MAGI2: variants seen among roughly 807,000 people sequenced by gnomAD.
MAGI2 encodes the protein membrane-associated guanylate kinase, WW and PDZ domain-containing protein 2.
In MAGI2, 35 loss-of-function variants were observed where a neutral mutation model predicts 133.3. The ratio of observed to expected loss-of-function variants is 0.26; its 90% CI spans 0.20 to 0.35. The LOEUF (loss-of-function observed/expected upper bound fraction) is 0.35. Among genes scored for constraint, MAGI2 ranks in the 10% least tolerant of loss-of-function variants. The pLI is 1.00. For synonymous variants in MAGI2, 729 were observed against 710.6 expected, an observed-to-expected ratio of 1.03 and a Z score of -0.41; for missense variants, 1,636 against 1,863.4, an observed-to-expected ratio of 0.88 and a Z score of 2.25.
chr7:78,475,062 A>T (rs568745021), intron 6 of MAGI2, among the ~76,000 whole-genome samples: 2 of 152,066 alleles, frequency 1.3e-5, no homozygotes, highest in South Asian at 4.1e-4. Context: ...TTGGGATTCA[A>T]ATACATATTC....
At chr7:78,573,305 TATATATAA>T (rs1286019274) in intron 3 of MAGI2, among the ~76,000 whole-genome samples, 8,147 of 64,544 alleles carry the variant, frequency 0.13, 977 homozygotes, top group Non-Finnish European at 0.17. Flanking sequence ...TATATATTTA[TATATATAA>T]ATATATAAAT....
At chr7:78,491,740 T>C (rs960557881) in intron 5 of MAGI2, among the ~76,000 whole-genome samples, 4 of 152,032 alleles carry the variant, frequency 2.6e-5, no homozygotes, top group African/African-American at 9.7e-5. Flanking sequence ...AACTAAAGAC[T>C]TGAAGCTTGA....
In MAGI2 at chr7:79,185,715, C is replaced by T. The variant is rs150964650; in HGVS notation, c.302-178509G>A. On this transcript the variant is annotated intron_variant, in intron 1 of 21. Coordinates refer to ENST00000354212, the MANE Select transcript of MAGI2 (RefSeq NM_012301.4). The stretch of plus-strand genomic sequence containing the variant: ...GGTAAATATATGCAAAGAACAACAT[C>T]GTGTTGAAACATGCTCAAGGACAGG... Among the ~76,000 whole-genome samples, 207 of 151,746 alleles carry T rather than the reference C, an allele frequency of 1.4e-3. 5 individuals are homozygous for T. The East Asian group carries it at 0.034, about 25-fold the overall frequency.
chr7:78,326,179 C>T (rs1788566326), intron 9 of MAGI2, among the ~76,000 whole-genome samples: 1 of 152,172 alleles, frequency 6.6e-6, no homozygotes, highest in Non-Finnish European at 1.5e-5. Flanking sequence ...CTGACGTAGC[C>T]CCAGGCTCAT....
intron 5 of MAGI2, among the ~76,000 whole-genome samples, chr7:78,499,340 G>A (rs190313338): frequency 7.2e-4 from 110 of 152,192 alleles, no homozygotes; most frequent in African/African-American, 2.6e-3. Flanking sequence ...TCTATTGTAA[G>A]CTTTGGCTTC....
chr7:79,136,545 T>C (rs1388542123), intron 1 of MAGI2, among the ~76,000 whole-genome samples: 2 of 152,218 alleles, frequency 1.3e-5, no homozygotes, highest in African/African-American at 4.8e-5. Context: ...TGTGTTCTTT[T>C]AGCCCAGGGA....
chr7:78,923,652 G>A (rs1003246239), intron 2 of MAGI2, among the ~76,000 whole-genome samples: 4 of 152,100 alleles, frequency 2.6e-5, no homozygotes, highest in Non-Finnish European at 5.9e-5. Context: ...TGTTCTTTTG[G>A]CTTAGCATTG....
At chr7:78,517,668 A>T (rs1410222913) in intron 4 of MAGI2, among the ~76,000 whole-genome samples, 1 of 152,146 alleles carries the variant, frequency 6.6e-6, no homozygotes, top group Admixed American at 6.6e-5. Flanking sequence ...ATAAAACTAC[A>T]TATCTAAGGA....
At chr7:78,310,800 C>T (rs1369289490) in intron 9 of MAGI2, among the ~76,000 whole-genome samples, 1 of 152,106 alleles carries the variant, frequency 6.6e-6, no homozygotes, top group Non-Finnish European at 1.5e-5. Context: ...AAAAAAGGGT[C>T]ACTTGAAAGC....
At chr7:78,654,749 A>ATATATATATATATATATATATG (rs1491177965) in intron 2 of MAGI2, among the ~76,000 whole-genome samples, 1 of 97,826 alleles carries the variant, frequency 1.0e-5, no homozygotes. Context: ...ATATATATAT[A>ATATATATATATATATATATATG]GCATATATTT....
intron 2 of MAGI2, among the ~76,000 whole-genome samples, chr7:78,637,220 G>A (rs1809764024): frequency 6.6e-6 from 1 of 152,188 alleles, no homozygotes; most frequent in Non-Finnish European, 1.5e-5. Flanking sequence ...ACAGAGTCAT[G>A]AGGAGTATTT....
At chr7:79,040,329 CTCTT>C (rs1811540798) in intron 1 of MAGI2, among the ~76,000 whole-genome samples, 1 of 151,970 alleles carries the variant, frequency 6.6e-6, no homozygotes, top group African/African-American at 2.4e-5. Flanking sequence ...TCAATTAAAC[CTCTT>C]TCTTTCATAA....
At position 78,990,905 on chromosome 7, in the gene MAGI2, T is replaced by C. The variant is rs994597350; in HGVS notation, c.418+16185A>G. The stretch of plus-strand genomic sequence containing the variant: ...TGAAATAAGAGATTTTATATGTACA[T>C]ACACACACACACACACACACACACA... On this transcript the variant is annotated intron_variant, in intron 2 of 21. Coordinates refer to ENST00000354212, the MANE Select transcript of MAGI2 (RefSeq NM_012301.4). Among the ~76,000 whole-genome samples, 416 of 141,494 alleles carry C rather than the reference T, an allele frequency of 2.9e-3. 1 individual carries two copies. Among genetic ancestry groups the C allele is most frequent in the Admixed American group, 5.9e-3 (84 of 14,174 alleles). 92.8% of individuals were successfully genotyped at this position (141,494 alleles called of 152,430 possible).
rs138940950 is a variant in MAGI2 at position 79,361,447 on chromosome 7, T to C, written c.301+91573A>G. ...GTGAGGACAGGCACTTCTGCCTTCA[T>C]GCCCAAATATCGTATTTTCCAAGGC... On this transcript the variant is annotated intron_variant, in intron 1 of 21. Transcript: ENST00000354212. Among the ~76,000 whole-genome samples the C allele has an allele frequency of 2.0e-3, 306 of 152,302 alleles. 1 individual carries two copies. Among genetic ancestry groups the C allele is most frequent in the African/African-American group, 6.8e-3 (283 of 41,584 alleles).
intron 12 of MAGI2, among the ~76,000 whole-genome samples, chr7:78,191,277 A>G (rs1002556626): frequency 6.6e-6 from 1 of 152,014 alleles, no homozygotes; most frequent in Non-Finnish European, 1.5e-5. Context: ...AAATTTTGAT[A>G]ATGTAAAGGT....
At chr7:78,119,268 G>A (rs1820179057) in intron 20 of MAGI2, among the ~76,000 whole-genome samples, 1 of 152,114 alleles carries the variant, frequency 6.6e-6, no homozygotes, top group Non-Finnish European at 1.5e-5. Context: ...CCCATAGAAT[G>A]TACGACACCG....
chr7:79,255,307 G>A (rs1193716117), intron 1 of MAGI2, among the ~76,000 whole-genome samples: 1 of 152,126 alleles, frequency 6.6e-6, no homozygotes, highest in African/African-American at 2.4e-5. Context: ...CAATTGAAAG[G>A]TACAGTTTTG....
chr7:79,423,484 C>T (rs1329386088), intron 1 of MAGI2, among the ~76,000 whole-genome samples: 1 of 151,910 alleles, frequency 6.6e-6, no homozygotes, highest in Non-Finnish European at 1.5e-5. Flanking sequence ...AATATCCAGC[C>T]CTCTACTACT....
chr7:79,104,352 T>G (rs1417612825), intron 1 of MAGI2, among the ~76,000 whole-genome samples: 2 of 151,998 alleles, frequency 1.3e-5, no homozygotes, highest in Non-Finnish European at 2.9e-5. Context: ...ACATGGAAAA[T>G]GATTACTTAT....
Sources: gnomAD v4.1 joint callset for allele counts (sites outside exome capture counted in the v4.1 genomes callset) on GRCh38, gnomAD v4.1.1 for gene constraint, MANE v1.5 for transcripts, NCBI Gene and HGNC (gene_info 2026-07-23, HGNC 2026-07-21) for gene names.